HECW1: variants seen among roughly 807,000 people sequenced by gnomAD.
The protein encoded by HECW1 is HECT, C2 and WW domain containing E3 ubiquitin protein ligase 1.
A neutral mutation model predicts 182.3 loss-of-function variants in HECW1; 61 were observed. That is an observed-to-expected ratio of 0.33 (90% CI 0.27 to 0.41). The LOEUF (loss-of-function observed/expected upper bound fraction) is 0.41, where lower values mean the gene tolerates loss of function less well. Among genes scored for constraint, HECW1 ranks in the 10% least tolerant of loss-of-function variants. The pLI, the probability that HECW1 is intolerant of heterozygous loss-of-function variation, is 1.00. For missense variants in HECW1, 1,739 were observed against 2,108.9 expected (o/e 0.82, Z 3.44); for synonymous variants, 859 against 832.6 (o/e 1.03, Z -0.55).
At chr7:43,498,139 AC>A (rs1333203216) in intron 19 of HECW1, among the ~76,000 whole-genome samples, 1 of 152,158 alleles carries the variant, frequency 6.6e-6, no homozygotes, top group African/African-American at 2.4e-5. Context: ...GCTATGCATG[AC>A]ATGTTGCCAG....
At chr7:43,463,614 G>A (rs1287912026) in intron 13 of HECW1, 46 bp from the exon 14 acceptor site, 1 of 1,589,246 alleles carries the variant, frequency 6.3e-7, no homozygotes, top group Non-Finnish European at 8.6e-7. Context: ...GGCCCCCAAG[G>A]AGCAAACCAA....
intron 2 of HECW1, among the ~76,000 whole-genome samples, chr7:43,126,067 C>CTTTTTTTTTT (rs71008891): frequency 1.3e-4 from 13 of 103,984 alleles, no homozygotes; most frequent in African/African-American, 1.8e-4. Flanking sequence ...TTTGTTCTCA[C>CTTTTTTTTTT]TTTTTTTTTT....
chr7:43,401,650 C>A (rs1348705041), intron 7 of HECW1, among the ~76,000 whole-genome samples: 2 of 142,880 alleles, frequency 1.4e-5, no homozygotes, highest in Non-Finnish European at 3.0e-5. Context: ...AAAGAACAAT[C>A]CTCATGCTAA....
chr7:43,503,072 G>T (rs1363295995), intron 21 of HECW1, among the ~76,000 whole-genome samples: 1 of 152,146 alleles, frequency 6.6e-6, no homozygotes, highest in Non-Finnish European at 1.5e-5. Context: ...AGGTAGTTGT[G>T]CTCGTCGTTA....
intron 7 of HECW1, among the ~76,000 whole-genome samples, chr7:43,402,023 C>T (rs2075434085): frequency 2.0e-5 from 3 of 151,894 alleles, no homozygotes; most frequent in South Asian, 2.1e-4. Context: ...GGAGATTGGC[C>T]GAGGGACAGC....
At chr7:43,461,718 TC>T (rs2077590090) in intron 13 of HECW1, among the ~76,000 whole-genome samples, 1 of 152,106 alleles carries the variant, frequency 6.6e-6, no homozygotes. Context: ...AACAAATGAT[TC>T]TCTCTGTAAT....
Position 43,311,830 on chromosome 7 carries a change from G to A in HECW1, c.95G>A (p.Arg32Gln), listed in dbSNP as rs770604403. 3.1e-6 allele frequency: 5 copies of A among 1,614,154 alleles called. No individual in the cohort carries two copies. The highest frequency in any genetic ancestry group is 4.5e-5 in the East Asian group (2 of 44,882). Residue 32 changes from arginine to glutamine, a missense_variant, in exon 4 of 30, where the codon CGA becomes CAA. Arg to Gln is a conservative substitution (Grantham distance 43). Transcript: ENST00000395891. ...TCTCCTTCTAGAAACTCCCAGAGCC[G>A]ACGCCGGTGCAAGGAGCCGCTCCGA... ...MASPSRNSQS[R>Q]RRCKEPLRYS...
chr7:43,253,052 T>C (rs1438067787), intron 3 of HECW1, among the ~76,000 whole-genome samples: 1 of 151,912 alleles, frequency 6.6e-6, no homozygotes, highest in Non-Finnish European at 1.5e-5. Flanking sequence ...AAATCATCTG[T>C]GGAGCTTGGA....
chr7:43,113,922 A>G (rs1012454482), intron 1 of HECW1: 13 of 267,360 alleles, frequency 4.9e-5, no homozygotes, highest in African/African-American at 2.8e-4. Flanking sequence ...TCCCTGCCGA[A>G]TTTCAGCGCG....
chr7:43,560,317 C>G (rs1269507661), intron 29 of HECW1, among the ~76,000 whole-genome samples: 1 of 152,140 alleles, frequency 6.6e-6, no homozygotes, highest in African/African-American at 2.4e-5. Flanking sequence ...AAAGGAAGGC[C>G]TGTTTGAATC....
chr7:43,418,706 C>G lies in HECW1; in HGVS notation c.801+10975C>G, dbSNP rs527583135. ...TTTGCTGATGATATTTCTTACCTAT[C>G]TATATTCATCATAAGTTAATATTTT... On this transcript the variant is annotated intron_variant, in intron 8 of 29. Coordinates refer to ENST00000395891, the MANE Select transcript of HECW1 (RefSeq NM_015052.5). Among the ~76,000 whole-genome samples the G allele has an allele frequency of 1.3e-5, 2 of 151,904 alleles. 1 individual carries two copies. The highest frequency in any genetic ancestry group is 4.1e-4 in the South Asian group (2 of 4,826).
chr7:43,311,870 C>T lies in HECW1; in HGVS notation c.135C>T (p.Pro45=). Residue 45 remains proline, a synonymous_variant, in exon 4 of 30, where the codon CCC becomes CCT. Coordinates refer to ENST00000395891, the MANE Select transcript of HECW1 (RefSeq NM_015052.5). ...AGCCGCTCCGATACAGCTACAACCCCGACCAGTTCCACAACATGGACCTCA... is the reference window on the plus strand; with the variant it reads ...AGCCGCTCCGATACAGCTACAACCCTGACCAGTTCCACAACATGGACCTCA... The part of the protein sequence containing the change: ...CKEPLRYSYN[P]DQFHNMDLRG... 2 of 1,614,208 alleles carry T rather than the reference C, an allele frequency of 1.2e-6. No homozygotes were observed. The highest frequency in any genetic ancestry group is 8.5e-7 in the Non-Finnish European group (1 of 1,180,046).
intron 11 of HECW1, among the ~76,000 whole-genome samples, chr7:43,448,153 GA>G (rs1407700366): frequency 2.7e-5 from 4 of 150,318 alleles, no homozygotes; most frequent in Admixed American, 6.7e-5. Flanking sequence ...AAGAGAGAGA[GA>G]AAAAAAAACT....
intron 5 of HECW1, among the ~76,000 whole-genome samples, chr7:43,343,776 A>G (rs1433565499): frequency 6.6e-6 from 1 of 151,916 alleles, no homozygotes; most frequent in Non-Finnish European, 1.5e-5. Flanking sequence ...CTTTGGGTAT[A>G]TACCCAGTAA....
At chr7:43,479,070 G>GAAAATCCCCTCC (rs1420492512) in intron 16 of HECW1, among the ~76,000 whole-genome samples, 192 of 152,264 alleles carry the variant, frequency 1.3e-3, no homozygotes, top group African/African-American at 4.3e-3. Context: ...ACGGATGGGA[G>GAAAATCCCCTCC]GGTAGGGGAT....
At chr7:43,324,740 C>T (rs1810563658) in intron 5 of HECW1, among the ~76,000 whole-genome samples, 1 of 152,060 alleles carries the variant, frequency 6.6e-6, no homozygotes, top group African/African-American at 2.4e-5. Context: ...TAAAAATTGG[C>T]CAGATTTTAA....
At chr7:43,417,092 C>T (rs1254047221) in intron 8 of HECW1, among the ~76,000 whole-genome samples, 3 of 152,316 alleles carry the variant, frequency 2.0e-5, no homozygotes, top group South Asian at 2.1e-4. Context: ...CTCTGGTCGC[C>T]CAGGCTGGAG....
intron 8 of HECW1, among the ~76,000 whole-genome samples, chr7:43,437,381 TA>T (rs1200142221): frequency 6.6e-6 from 1 of 152,246 alleles, no homozygotes; most frequent in Non-Finnish European, 1.5e-5. Flanking sequence ...AATGCTCCAA[TA>T]AACATCCCTG....
intron 2 of HECW1, among the ~76,000 whole-genome samples, chr7:43,145,304 G>A (rs775818999): frequency 6.6e-6 from 1 of 152,040 alleles, no homozygotes; most frequent in Non-Finnish European, 1.5e-5. Flanking sequence ...TTTCATACAC[G>A]TATATATTTG....
Sources: allele counts gnomAD v4.1 joint callset (sites outside exome capture counted in the v4.1 genomes callset), GRCh38; gene constraint gnomAD v4.1.1; transcripts MANE v1.5; gene names NCBI Gene and HGNC (gene_info 2026-07-23, HGNC 2026-07-21).